The following SDK1 variants were observed in gnomAD, a reference collection of about 807,000 sequenced individuals.
SDK1 encodes the protein sidekick cell adhesion molecule 1, also known as protein sidekick-1.
In SDK1, 157 loss-of-function variants were observed where a neutral mutation model predicts 245.5. The observed-to-expected ratio is 0.64, with a 90% CI of 0.56 to 0.73. SDK1 has a LOEUF of 0.73. Ranked by LOEUF, SDK1 falls within the 30% of genes least tolerant of loss-of-function variation. The pLI is 0.00. For synonymous variants in SDK1, 1,647 were observed against 1,278.5 expected (o/e 1.29, Z -6.15); for missense variants, 3,583 against 3,002.3 (o/e 1.19, Z -4.52).
intron 1 of SDK1, among the ~76,000 whole-genome samples, chr7:3,472,115 C>T (rs147142752): frequency 6.6e-6 from 1 of 152,188 alleles, no homozygotes; most frequent in East Asian, 1.9e-4. Flanking sequence ...GTCTCCTTCC[C>T]ACTGTGTTGT....
At chr7:3,323,384 G>A (rs773512697) in intron 1 of SDK1, among the ~76,000 whole-genome samples, 2 of 152,176 alleles carry the variant, frequency 1.3e-5, no homozygotes, top group African/African-American at 2.4e-5. Flanking sequence ...AATTTCCAGA[G>A]CTTGCTGTAA....
chr7:3,986,397 A>G (rs961165904), intron 13 of SDK1, among the ~76,000 whole-genome samples: 4 of 152,186 alleles, frequency 2.6e-5, no homozygotes, highest in Non-Finnish European at 5.9e-5. Context: ...TAAATGCGGC[A>G]ACTGTGTGGT....
chr7:4,079,510 C>T lies in SDK1; in HGVS notation c.3250C>T (p.Arg1084Cys), dbSNP rs775153973. 98 of 1,614,134 alleles carry T rather than the reference C, an allele frequency of 6.1e-5. No homozygotes were observed. The highest frequency in any genetic ancestry group is 1.7e-4 in the Admixed American group (10 of 60,010). The change falls in exon 22 of 45, where the codon CGC becomes TGC. Residue 1084 changes from arginine to cysteine, a missense_variant. Coordinates refer to ENST00000404826, the MANE Select transcript of SDK1 (RefSeq NM_152744.4). ...CCTGGTCATTTCCAACATCAGCCCT[C>T]GCTCCGCCACCCTTCAGTTCCGGCC... ...SNLVISNISP[R>C]SATLQFRPGY...
At chr7:4,219,796 C>G (rs866069426) in intron 38 of SDK1, among the ~76,000 whole-genome samples, 1 of 150,032 alleles carries the variant, frequency 6.7e-6, no homozygotes, top group Non-Finnish European at 1.5e-5. Flanking sequence ...GGACCGCCCC[C>G]CTTCCCCCGC....
At chr7:3,487,355 C>T (rs1781731812) in intron 1 of SDK1, among the ~76,000 whole-genome samples, 1 of 152,190 alleles carries the variant, frequency 6.6e-6, no homozygotes, top group South Asian at 2.1e-4. Flanking sequence ...CCTTATTTTT[C>T]TAAACCATCG....
intron 14 of SDK1, among the ~76,000 whole-genome samples, chr7:4,005,607 G>GA (rs758106202): frequency 4.7e-4 from 71 of 152,228 alleles, no homozygotes; most frequent in Non-Finnish European, 9.3e-4. Flanking sequence ...TTCCTGGAGT[G>GA]AAAAAGAGGC....
At chr7:4,180,348 GCACCCGGCTCCAGCT>G (rs1782526032) in intron 35 of SDK1, among the ~76,000 whole-genome samples, 1 of 150,404 alleles carries the variant, frequency 6.6e-6, no homozygotes. Flanking sequence ...TCTATGCCCA[GCACCCGGCTCCAGCT>G]CTATGCCCAG....
chr7:3,772,045 G>A (rs1780419728), intron 4 of SDK1, among the ~76,000 whole-genome samples: 1 of 152,116 alleles, frequency 6.6e-6, no homozygotes, highest in Non-Finnish European at 1.5e-5. Context: ...TTCACCTAAT[G>A]TAATGTCCTC....
intron 4 of SDK1, among the ~76,000 whole-genome samples, chr7:3,798,827 C>T (rs755128665): frequency 9.2e-5 from 14 of 152,102 alleles, no homozygotes; most frequent in Non-Finnish European, 1.3e-4. Context: ...TTAAAACTAC[C>T]ACAAAAAATT....
At chr7:4,172,299 G>T (rs189886497) in intron 32 of SDK1, among the ~76,000 whole-genome samples, 1 of 152,168 alleles carries the variant, frequency 6.6e-6, no homozygotes, top group South Asian at 2.1e-4. Flanking sequence ...AGTCTGCCGG[G>T]TACACACGGT....
chr7:4,164,286 G>T (rs563246864), intron 32 of SDK1, among the ~76,000 whole-genome samples: 1 of 152,318 alleles, frequency 6.6e-6, no homozygotes, highest in African/African-American at 2.4e-5. Context: ...ACTTGCCATC[G>T]GGTGACTGTG....
chr7:4,100,136 G>A (rs1440519843), intron 22 of SDK1, among the ~76,000 whole-genome samples: 1 of 152,196 alleles, frequency 6.6e-6, no homozygotes, highest in Non-Finnish European at 1.5e-5. Context: ...AGAAATATTA[G>A]CAGGGAATCA....
intron 1 of SDK1, among the ~76,000 whole-genome samples, chr7:3,562,159 C>G (rs546151713): frequency 6.6e-6 from 1 of 152,210 alleles, no homozygotes; most frequent in African/African-American, 2.4e-5. Flanking sequence ...TCGGAAACTG[C>G]ATAGCACCCT....
chr7:3,429,362 G>C (rs893237405), intron 1 of SDK1, among the ~76,000 whole-genome samples: 1 of 152,142 alleles, frequency 6.6e-6, no homozygotes, highest in Non-Finnish European at 1.5e-5. Context: ...ACTTTTCTGA[G>C]ATTATAGAGC....
intron 1 of SDK1, among the ~76,000 whole-genome samples, chr7:3,596,308 A>G (rs1446583471): frequency 2.0e-5 from 3 of 152,150 alleles, no homozygotes; most frequent in Admixed American, 6.5e-5. Context: ...TAGCACAATA[A>G]TTGGTACAAG....
intron 4 of SDK1, among the ~76,000 whole-genome samples, chr7:3,666,408 G>T (rs182578279): frequency 6.6e-6 from 1 of 152,288 alleles, no homozygotes; most frequent in African/African-American, 2.4e-5. Flanking sequence ...TTTACTTTTA[G>T]CTTCAGATTT....
rs1377617870 is a variant in SDK1, at chr7:4,266,485, C to G, written c.*1101C>G. 1 of 985,272 alleles carries G rather than the reference C, an allele frequency of 1.0e-6. No individual in the cohort carries two copies. The highest frequency in any genetic ancestry group is 1.2e-6 in the Non-Finnish European group (1 of 829,926). The allele number at this position is 985,272 out of a possible 1,614,324, so 61.0% of individuals were successfully genotyped here. A position where few individuals can be genotyped will look rare whatever the true frequency, so the allele number is the denominator to read the frequency against. On this transcript the variant is annotated 3_prime_UTR_variant, in exon 45 of 45. Coordinates refer to ENST00000404826, the MANE Select transcript of SDK1 (RefSeq NM_152744.4). ...GCTTCTGCTGGCTGCTCGCAGCAGC[C>G]ACCGCTTCTCCACCACTGGCGCTGC... is the stretch of plus-strand genomic sequence containing the variant.
intron 4 of SDK1, among the ~76,000 whole-genome samples, chr7:3,697,400 C>G (rs1379305751): frequency 6.6e-6 from 1 of 152,210 alleles, no homozygotes; most frequent in Non-Finnish European, 1.5e-5. Flanking sequence ...TCATCTTCAA[C>G]TAATGGAATT....
At chr7:4,177,205 G>A (rs950433008) in intron 34 of SDK1, among the ~76,000 whole-genome samples, 9 of 152,168 alleles carry the variant, frequency 5.9e-5, no homozygotes, top group Admixed American at 2.6e-4. Context: ...CCTGAGTCAC[G>A]GAAGCTTTGC....
Sources: allele counts gnomAD v4.1 joint callset (sites outside exome capture counted in the v4.1 genomes callset), GRCh38; gene constraint gnomAD v4.1.1; transcripts MANE v1.5; gene names NCBI Gene and HGNC (gene_info 2026-07-23, HGNC 2026-07-21).